Variants in DYNC1I1 observed in about 807,000 individuals in gnomAD.
DYNC1I1 encodes the protein dynein cytoplasmic 1 intermediate chain 1.
Under a neutral mutation model 86.6 loss-of-function variants are expected in DYNC1I1, and 43 were observed. The observed-to-expected ratio is 0.50, with a 90% CI of 0.39 to 0.64. DYNC1I1 has a LOEUF of 0.64. DYNC1I1 is among the 30% of genes least tolerant of loss of function. DYNC1I1 has a pLI of 0.00. For synonymous variants in DYNC1I1, 262 were observed against 283.7 expected, an observed-to-expected ratio of 0.92 and a Z score of 0.77; for missense variants, 604 against 788.8, an observed-to-expected ratio of 0.77 and a Z score of 2.81.
chr7:95,994,995 C>T (rs1793823329), intron 9 of DYNC1I1, among the ~76,000 whole-genome samples: 1 of 152,028 alleles, frequency 6.6e-6, no homozygotes, highest in South Asian at 2.1e-4. Context: ...CGCCTGTAAT[C>T]CCAGCACTTT....
chr7:96,073,582 T>A (rs982271237), intron 14 of DYNC1I1, among the ~76,000 whole-genome samples: 1 of 152,232 alleles, frequency 6.6e-6, no homozygotes, highest in South Asian at 2.1e-4. Context: ...ACGTGTTTAG[T>A]ATAGGTCTGT....
intron 15 of DYNC1I1, among the ~76,000 whole-genome samples, chr7:96,079,383 T>C (rs1001151926): frequency 4.6e-5 from 7 of 152,202 alleles, no homozygotes; most frequent in African/African-American, 1.7e-4. Flanking sequence ...TAATGGCATG[T>C]TGTCATTTCC....
chr7:95,854,989 T>C (rs1789682024), intron 5 of DYNC1I1, among the ~76,000 whole-genome samples: 1 of 152,212 alleles, frequency 6.6e-6, no homozygotes, highest in South Asian at 2.1e-4. Context: ...GATAGGTTGC[T>C]GTTCACTATG....
chr7:95,873,888 G>A (rs192895854), intron 6 of DYNC1I1, among the ~76,000 whole-genome samples: 3 of 152,300 alleles, frequency 2.0e-5, no homozygotes, highest in Admixed American at 1.3e-4. Context: ...AAGTCACCTG[G>A]TGACACTAGC....
intron 14 of DYNC1I1, among the ~76,000 whole-genome samples, chr7:96,044,329 C>T (rs970026183): frequency 1.3e-5 from 2 of 152,218 alleles, no homozygotes; most frequent in African/African-American, 2.4e-5. Context: ...TTTAGCAACT[C>T]AGAAGCCACT....
rs141101919 is a variant in DYNC1I1, at chr7:95,839,087, G to A, written c.374+10971G>A. ...GCTCTATCACCCAGGCTGGAGTGCA[G>A]TGGTGCGATCTTGGCTCACTGCAAC... On this transcript the variant is annotated intron_variant, in intron 5 of 16. Coordinates refer to ENST00000447467, the MANE Select transcript of DYNC1I1 (RefSeq NM_001135556.2). Among the ~76,000 whole-genome samples the A allele has an allele frequency of 4.0e-3, 610 of 152,138 alleles. 6 individuals are homozygous for A. Among genetic ancestry groups the A allele is most frequent in the African/African-American group, 0.013 (537 of 41,498 alleles).
At chr7:96,083,817 G>A (rs754923469) in intron 16 of DYNC1I1, among the ~76,000 whole-genome samples, 30 of 152,126 alleles carry the variant, frequency 2.0e-4, no homozygotes, top group Non-Finnish European at 4.3e-4. Context: ...CTATTAAAAC[G>A]AAACTCATAA....
At chr7:95,802,227 T>G (rs2115781874) in intron 1 of DYNC1I1, among the ~76,000 whole-genome samples, 1 of 152,304 alleles carries the variant, frequency 6.6e-6, no homozygotes, top group South Asian at 2.1e-4. Context: ...TTGCCTTTTC[T>G]TCCTAATTTC....
At position 96,097,500 on chromosome 7, in the gene DYNC1I1, T is replaced by C; in HGVS notation, c.1794T>C (p.Asn598=). 6.2e-7 allele frequency: 1 copy of C among 1,613,824 alleles called. No individual in the cohort carries two copies. The highest frequency in any genetic ancestry group is 8.5e-7 in the Non-Finnish European group (1 of 1,179,774). The stretch of plus-strand genomic sequence containing the variant: ...CTTTGCAGCTTGCAGTTCCCCACAA[T>C]GATGAATGGACCCGATTTGCCAGGA... ...YDVGELAVPH[N]DEWTRFARTL... is the part of the protein sequence containing the mutation. Residue 598 remains asparagine (N), a synonymous_variant, in exon 17 of 17, where the codon AAT becomes AAC. Coordinates refer to ENST00000447467, the MANE Select transcript of DYNC1I1 (RefSeq NM_001135556.2).
intron 14 of DYNC1I1, among the ~76,000 whole-genome samples, chr7:96,040,033 A>C (rs1788989952): frequency 6.6e-6 from 1 of 152,030 alleles, no homozygotes; most frequent in Non-Finnish European, 1.5e-5. Context: ...CAGGAGTTTG[A>C]GACCAGCCTG....
At chr7:95,930,528 G>A (rs575098128) in intron 6 of DYNC1I1, among the ~76,000 whole-genome samples, 1 of 152,258 alleles carries the variant, frequency 6.6e-6, no homozygotes, top group South Asian at 2.1e-4. Context: ...TAAGGTGGAG[G>A]GAGGTCTGGT....
intron 6 of DYNC1I1, among the ~76,000 whole-genome samples, chr7:95,955,533 C>T (rs1347514721): frequency 6.6e-6 from 1 of 151,764 alleles, no homozygotes; most frequent in African/African-American, 2.4e-5. Flanking sequence ...CTGTGTTGCC[C>T]AGGCTGGTTT....
At chr7:95,925,676 G>A (rs1275995279) in intron 6 of DYNC1I1, among the ~76,000 whole-genome samples, 1 of 152,080 alleles carries the variant, frequency 6.6e-6, no homozygotes, top group Non-Finnish European at 1.5e-5. Context: ...AATTTGACAG[G>A]CATTTTACAA....
intron 6 of DYNC1I1, among the ~76,000 whole-genome samples, chr7:95,936,928 C>A (rs1024613320): frequency 9.2e-5 from 11 of 119,910 alleles, no homozygotes; most frequent in Non-Finnish European, 1.8e-4. Context: ...ACCTGTTTGT[C>A]CACAAAGGAA....
intron 16 of DYNC1I1, among the ~76,000 whole-genome samples, chr7:96,087,154 AG>A (rs1790706472): frequency 1.3e-5 from 2 of 152,226 alleles, no homozygotes; most frequent in Non-Finnish European, 2.9e-5. Context: ...CCAGTAATAC[AG>A]GGCCTACATC....
intron 9 of DYNC1I1, 40 bp from the exon 10 acceptor site, chr7:95,995,908 C>T: frequency 6.5e-7 from 1 of 1,550,070 alleles, no homozygotes; most frequent in Non-Finnish European, 8.7e-7. Context: ...CTTGTGTTGT[C>T]ATCTTAGCAT....
chr7:95,822,270 T>C (rs1406556732), intron 4 of DYNC1I1, among the ~76,000 whole-genome samples: 3 of 152,226 alleles, frequency 2.0e-5, no homozygotes, highest in Non-Finnish European at 4.4e-5. Flanking sequence ...AGTAATGAAT[T>C]GGTACAAGGT....
At chr7:95,926,379 TA>T (rs140731249) in intron 6 of DYNC1I1, among the ~76,000 whole-genome samples, 1,759 of 152,148 alleles carry the variant, frequency 0.012, 13 homozygotes, top group South Asian at 0.026. Context: ...TATTTTAAGT[TA>T]AAAAAAGTTA....
At chr7:95,854,603 TTGAC>T (rs1301764807) in intron 5 of DYNC1I1, among the ~76,000 whole-genome samples, 2 of 152,204 alleles carry the variant, frequency 1.3e-5, no homozygotes, top group Non-Finnish European at 2.9e-5. Context: ...TATTCTGAAT[TTGAC>T]TGTGCACTTA....
Sources: gnomAD v4.1 joint callset for allele counts (sites outside exome capture counted in the v4.1 genomes callset) on GRCh38, gnomAD v4.1.1 for gene constraint, MANE v1.5 for transcripts, NCBI Gene and HGNC (gene_info 2026-07-23, HGNC 2026-07-21) for gene names.